Variants in GABRB1 observed in about 807,000 individuals in gnomAD.
The protein encoded by GABRB1 is gamma-aminobutyric acid type A receptor subunit beta1.
Under a neutral mutation model 51.6 loss-of-function variants are expected in GABRB1, and 17 were observed. That is an observed-to-expected ratio of 0.33 (90% CI 0.23 to 0.49). The LOEUF (loss-of-function observed/expected upper bound fraction) is 0.49. Among genes scored for constraint, GABRB1 ranks in the 20% least tolerant of loss-of-function variants. The pLI is 0.99. For missense variants in GABRB1, 410 were observed against 600.6 expected (o/e 0.68, Z 3.32); for synonymous variants, 247 against 218.9 (o/e 1.13, Z -1.14).
At chr4:47,405,618 C>T (rs1310482532) in intron 7 of GABRB1, among the ~76,000 whole-genome samples, 1 of 152,094 alleles carries the variant, frequency 6.6e-6, no homozygotes, top group Non-Finnish European at 1.5e-5. Flanking sequence ...AACATACAGT[C>T]CCTATCAGTT....
At chr4:47,222,987 C>T (rs937375267) in intron 4 of GABRB1, among the ~76,000 whole-genome samples, 15 of 152,194 alleles carry the variant, frequency 9.9e-5, no homozygotes, top group African/African-American at 2.2e-4. Context: ...TTAAATGACA[C>T]CTTGCCATCT....
intron 5 of GABRB1, among the ~76,000 whole-genome samples, chr4:47,335,261 T>TTATA (rs149691989): frequency 3.6e-4 from 55 of 151,280 alleles, no homozygotes; most frequent in African/African-American, 1.3e-3. Context: ...CAGTATCCAG[T>TTATA]TATATATATA....
chr4:47,326,619 A>G (rs999199244), intron 5 of GABRB1, among the ~76,000 whole-genome samples: 2 of 152,108 alleles, frequency 1.3e-5, no homozygotes, highest in Non-Finnish European at 2.9e-5. Context: ...ACGTAAGGAA[A>G]AACTACTACA....
chr4:47,164,916 C>T (rs189728133), intron 4 of GABRB1, among the ~76,000 whole-genome samples: 1 of 152,096 alleles, frequency 6.6e-6, no homozygotes, highest in East Asian at 1.9e-4. Context: ...TGCCTCTTGC[C>T]CTTAGGTCAC....
At chr4:47,281,352 C>G (rs1256635051) in intron 4 of GABRB1, among the ~76,000 whole-genome samples, 1 of 152,072 alleles carries the variant, frequency 6.6e-6, no homozygotes, top group Non-Finnish European at 1.5e-5. Flanking sequence ...GAGATATGAC[C>G]TCATGCTTAT....
intron 4 of GABRB1, among the ~76,000 whole-genome samples, chr4:47,250,574 C>T (rs1216236956): frequency 2.0e-5 from 3 of 152,122 alleles, no homozygotes; most frequent in Admixed American, 6.5e-5. Flanking sequence ...TCTCTTCTTC[C>T]TCTGGAACAC....
chr4:47,398,000 G>T (rs1429277410), intron 5 of GABRB1, among the ~76,000 whole-genome samples: 11 of 152,168 alleles, frequency 7.2e-5, no homozygotes, highest in Non-Finnish European at 1.2e-4. Context: ...TGAAACTTAC[G>T]ATGTTGAGTT....
chr4:47,143,366 G>C (rs1352296906), intron 3 of GABRB1, among the ~76,000 whole-genome samples: 2 of 151,546 alleles, frequency 1.3e-5, no homozygotes, highest in Non-Finnish European at 2.9e-5. Flanking sequence ...TTCTTTCCCG[G>C]TATTATTTTC....
At chr4:47,352,733 T>G (rs1452604449) in intron 5 of GABRB1, among the ~76,000 whole-genome samples, 1 of 152,002 alleles carries the variant, frequency 6.6e-6, no homozygotes. Flanking sequence ...CTGATTGGCA[T>G]TTCAACACTC....
intron 5 of GABRB1, among the ~76,000 whole-genome samples, chr4:47,327,407 A>G (rs4302438): frequency 0.62 from 93,553 of 151,600 alleles, 29,016 homozygotes; most frequent in East Asian, 0.7. Context: ...AAAAGTGTTA[A>G]CCAACAGCCA....
chr4:47,292,080 T>C (rs866538912), intron 4 of GABRB1, among the ~76,000 whole-genome samples: 2 of 152,134 alleles, frequency 1.3e-5, no homozygotes, highest in African/African-American at 4.8e-5. Context: ...AATTCCCAAG[T>C]GTTATGGGTG....
At chr4:47,349,483 A>G (rs924662427) in intron 5 of GABRB1, among the ~76,000 whole-genome samples, 3 of 152,222 alleles carry the variant, frequency 2.0e-5, no homozygotes, top group Non-Finnish European at 4.4e-5. Context: ...AAAATCATAA[A>G]TGAAAAATTC....
At chr4:47,088,437 G>T (rs1336622389) in intron 3 of GABRB1, among the ~76,000 whole-genome samples, 2 of 152,192 alleles carry the variant, frequency 1.3e-5, no homozygotes, top group East Asian at 3.8e-4. Flanking sequence ...AAGCTAGCAA[G>T]ATAAAGACTG....
At chr4:47,236,706 G>A (rs990680322) in intron 4 of GABRB1, among the ~76,000 whole-genome samples, 1 of 152,138 alleles carries the variant, frequency 6.6e-6, no homozygotes, top group Non-Finnish European at 1.5e-5. Flanking sequence ...GGCAGAAAGG[G>A]AGTAAGTTTA....
chr4:47,255,409 G>A lies in GABRB1; in HGVS notation c.462-64718G>A, dbSNP rs56392902. ...TTTCCCCCATAAAGTTATCACAAGAGTTAGGTTGATTCTTTTCAAATAAGT... is the reference window on the plus strand; with the variant it reads ...TTTCCCCCATAAAGTTATCACAAGAATTAGGTTGATTCTTTTCAAATAAGT... On this transcript the variant is annotated intron_variant, in intron 4 of 8. Transcript: ENST00000295454. Among the ~76,000 whole-genome samples, 827 of 152,304 alleles carry A rather than the reference G, an allele frequency of 5.4e-3. 13 individuals are homozygous for A. Among genetic ancestry groups the A allele is most frequent in the African/African-American group, 0.019 (785 of 41,564 alleles).
intron 5 of GABRB1, among the ~76,000 whole-genome samples, chr4:47,325,523 C>T (rs1346206234): frequency 6.6e-6 from 1 of 151,964 alleles, no homozygotes; most frequent in African/African-American, 2.4e-5. Flanking sequence ...GTGACTTGAC[C>T]TTCCTCATTA....
intron 4 of GABRB1, among the ~76,000 whole-genome samples, chr4:47,246,332 ATG>A (rs1467522194): frequency 2.6e-4 from 15 of 56,922 alleles, no homozygotes; most frequent in Admixed American, 1.0e-3. Flanking sequence ...ACACACACAT[ATG>A]TACATATATA....
intron 5 of GABRB1, among the ~76,000 whole-genome samples, chr4:47,344,529 G>A (rs1390185034): frequency 2.6e-5 from 4 of 152,052 alleles, no homozygotes; most frequent in Admixed American, 1.3e-4. Context: ...TGTATAACTA[G>A]GTTACAAAAT....
At chr4:47,150,152 C>G (rs1717360463) in intron 3 of GABRB1, among the ~76,000 whole-genome samples, 1 of 150,502 alleles carries the variant, frequency 6.6e-6, no homozygotes, top group African/African-American at 2.4e-5. Flanking sequence ...AATTTAGTAC[C>G]AGTACCTATG....
Sources: allele counts gnomAD v4.1 joint callset (sites outside exome capture counted in the v4.1 genomes callset), GRCh38; gene constraint gnomAD v4.1.1; transcripts MANE v1.5; gene names NCBI Gene and HGNC (gene_info 2026-07-23, HGNC 2026-07-21).